The following EPN1 variants were observed in gnomAD, a reference collection of about 807,000 sequenced individuals.
EPN1 encodes epsin 1.
EPN1 carries 25 observed loss-of-function variants against 56.9 expected under a neutral mutation model. The ratio of observed to expected loss-of-function variants is 0.44; its 90% confidence interval spans 0.32 to 0.61. EPN1 has a LOEUF of 0.61. Among genes scored for constraint, EPN1 ranks in the 20% least tolerant of loss-of-function variants. EPN1 has a pLI of 0.05. For synonymous variants in EPN1, 411 were observed against 361.8 expected, an observed-to-expected ratio of 1.14 and a Z score of -1.54; for missense variants, 785 against 823.7, an observed-to-expected ratio of 0.95 and a Z score of 0.58.
chr19:55,692,811 G>A lies in EPN1; in HGVS notation c.1177+15G>A, dbSNP rs144290370. Reference sequence around the variant, plus strand: ...TGGCACAACAGGTACTGGAATGGGGGTGGGAATGGAGCCCCGGGTGGGAGT... The same window carrying A: ...TGGCACAACAGGTACTGGAATGGGGATGGGAATGGAGCCCCGGGTGGGAGT... On this transcript the variant is annotated intron_variant, in intron 8 of 10. Coordinates refer to ENST00000270460, the MANE Select transcript of EPN1 (RefSeq NM_001130072.2). The A allele has an allele frequency of 5.4e-3, 8,662 of 1,590,766 alleles. 33 individuals carry two copies. Among genetic ancestry groups the A allele is most frequent in the Non-Finnish European group, 6.7e-3 (7,821 of 1,164,748 alleles).
Position 55,689,158 on chromosome 19 carries a change from G to T in EPN1, c.604-139G>T, listed in dbSNP as rs1485369326. The T allele has an allele frequency of 8.7e-7, 1 of 1,154,088 alleles. No homozygotes were observed. The highest frequency in any genetic ancestry group is 1.2e-6 in the Non-Finnish European group (1 of 819,716). 71.5% of individuals were successfully genotyped at this position (1,154,088 alleles called of 1,614,324 possible). ...CTCATCCTCACCCCGCCGTCCCTCTGCGTGTCACTCTCTGCCTGTCCCTCA... is the reference window on the plus strand; with the variant it reads ...CTCATCCTCACCCCGCCGTCCCTCTTCGTGTCACTCTCTGCCTGTCCCTCA... On this transcript the variant is annotated intron_variant, in intron 4 of 10. Transcript: ENST00000270460. This position sits in a 1 kb window ranked among gnomAD's most constrained non-coding sequence, Gnocchi z 5.7.
chr19:55,679,764 C>G (rs911230072), intron 2 of EPN1, among the ~76,000 whole-genome samples: 1 of 152,130 alleles, frequency 6.6e-6, no homozygotes, highest in Non-Finnish European at 1.5e-5. Context: ...TCCTGTGACT[C>G]GTTTTCATAC....
In EPN1 at chr19:55,707,252, GCATCACT is replaced by G. The variant is rs1987468230; in HGVS notation, c.*11897_*11903del. Reference sequence around the variant, plus strand: ...AGCTACACAGGAGGCTGAGGCAGGAGCATCACTTGAACCCAGGAGTTCAAGGCTGCAG... The same window carrying G: ...AGCTACACAGGAGGCTGAGGCAGGAGTGAACCCAGGAGTTCAAGGCTGCAG... On this transcript the variant is annotated 3_prime_UTR_variant, in exon 11 of 11. Coordinates refer to ENST00000270460, the MANE Select transcript of EPN1 (RefSeq NM_001130072.2). 3 of 151,898 alleles carry G rather than the reference GCATCACT, an allele frequency of 2.0e-5. No individual in the cohort carries two copies. In the South Asian group the frequency reaches 6.3e-4, roughly 32 times the overall value. The allele number at this position is 151,898 out of a possible 1,614,324, so 9.4% of individuals were successfully genotyped here. A position where few individuals can be genotyped will look rare whatever the true frequency, so the allele number is the denominator to read the frequency against.
rs1319959606 is a variant in EPN1, at chr19:55,691,135, G to A, written c.763-619G>A. Among the ~76,000 whole-genome samples the A allele has an allele frequency of 6.6e-6, 1 of 152,206 alleles. No homozygotes were observed. Among genetic ancestry groups the A allele is most frequent in the Non-Finnish European group, 1.5e-5 (1 of 68,044 alleles). On this transcript the variant is annotated intron_variant, in intron 6 of 10. Transcript: ENST00000270460. The surrounding 1 kb of genome is among the most constrained non-coding windows in gnomAD (Gnocchi z 5.6). ...ACTTCCAGAACACAGGACCATGCAT[G>A]CGTGTGCGTGCGGCATGGGAAGACC...
At position 55,704,656 on chromosome 19, in the gene EPN1, A is replaced by C. The variant is rs1987308524; in HGVS notation, c.*9300A>C. 6.6e-6 allele frequency: 1 copy of C among 152,060 alleles called. No individual in the cohort carries two copies. The highest frequency in any genetic ancestry group is 1.5e-5 in the Non-Finnish European group (1 of 68,082). The allele number at this position is 152,060 out of a possible 1,614,324, so 9.4% of individuals were successfully genotyped here. On this transcript the variant is annotated 3_prime_UTR_variant, in exon 11 of 11. Transcript: ENST00000270460. ...ACACTGTCTGGGGGAAGGCACACAC[A>C]CCCCACAGCACCCTTGCTGTCTCAC...
chr19:55,677,219 G>T, intron 1 of EPN1: 4 of 1,491,504 alleles, frequency 2.7e-6, no homozygotes, highest in Non-Finnish European at 3.7e-6. Flanking sequence ...CAGGAGTAAG[G>T]TGTGTGTCCC....
intron 3 of EPN1, among the ~76,000 whole-genome samples, chr19:55,687,575 G>GCTTA (rs1250669478): frequency 6.6e-6 from 1 of 152,070 alleles, no homozygotes; most frequent in Non-Finnish European, 1.5e-5. Context: ...AGTCCCTAGA[G>GCTTA]CTTAGGAGGA....
In EPN1 at chr19:55,697,239, C is replaced by T. The variant is rs1244321159; in HGVS notation, c.*1883C>T. The stretch of plus-strand genomic sequence containing the variant: ...TCTAGGCGGTTGTGATGGGGGAGCC[C>T]CACAGGGCACAGAGAGCCAGCTGAA... On this transcript the variant is annotated 3_prime_UTR_variant, in exon 11 of 11. Transcript: ENST00000270460. 1 of 152,108 alleles carries T rather than the reference C, an allele frequency of 6.6e-6. No homozygotes were observed. Among genetic ancestry groups the T allele is most frequent in the African/African-American group, 2.4e-5 (1 of 41,404 alleles). The allele number at this position is 152,108 out of a possible 1,614,324, so 9.4% of individuals were successfully genotyped here.
chr19:55,680,219 T>G (rs1985719084), intron 2 of EPN1, among the ~76,000 whole-genome samples: 1 of 152,180 alleles, frequency 6.6e-6, no homozygotes, highest in Non-Finnish European at 1.5e-5. Context: ...CCTTTCGAGA[T>G]AGAGTTCTCT....
rs1045305307 is a variant in EPN1 at position 55,705,725 on chromosome 19, A to G, written c.*10369A>G. On this transcript the variant is annotated 3_prime_UTR_variant, in exon 11 of 11. Coordinates refer to ENST00000270460, the MANE Select transcript of EPN1 (RefSeq NM_001130072.2). ...CAAAGGTAGAGAAAATCTTGAAAGT[A>G]TCGAGAAAATGACATGTCAATCATA... is the stretch of plus-strand genomic sequence containing the variant. 6.6e-6 allele frequency: 1 copy of G among 151,544 alleles called. No homozygotes were observed. The highest frequency in any genetic ancestry group is 1.9e-4 in the East Asian group (1 of 5,146). The allele number at this position is 151,544 out of a possible 1,614,324, so 9.4% of individuals were successfully genotyped here.
At position 55,691,540 on chromosome 19, in the gene EPN1, T is replaced by TGG. The variant is rs1986546178; in HGVS notation, c.763-211_763-210dup. Among the ~76,000 whole-genome samples, 1 of 130,760 alleles carries TGG rather than the reference T, an allele frequency of 7.6e-6. No individual in the cohort carries two copies. Among genetic ancestry groups the TGG allele is most frequent in the Non-Finnish European group, 1.6e-5 (1 of 61,518 alleles). The allele number at this position is 130,760 out of a possible 152,430, so 85.8% of individuals were successfully genotyped here. On this transcript the variant is annotated intron_variant, in intron 6 of 10. Coordinates refer to ENST00000270460, the MANE Select transcript of EPN1 (RefSeq NM_001130072.2). The surrounding 1 kb of genome is among the most constrained non-coding windows in gnomAD (Gnocchi z 5.6). Reference sequence around the variant, plus strand: ...GGGGCTCCCTGGTGGTACCCTCGGGTGGGGTAGGTGGGCAGGGGTGGGCCG... The same window carrying TGG: ...GGGGCTCCCTGGTGGTACCCTCGGGTGGGGGGTAGGTGGGCAGGGGTGGGCCG...
rs939143149 is a variant in EPN1 at position 55,703,596 on chromosome 19, T to C, written c.*8240T>C. The C allele has an allele frequency of 1.3e-5, 2 of 152,244 alleles. No individual in the cohort carries two copies. The highest frequency in any genetic ancestry group is 1.5e-5 in the Non-Finnish European group (1 of 68,072). The allele number at this position is 152,244 out of a possible 1,614,324, so 9.4% of individuals were successfully genotyped here. On this transcript the variant is annotated 3_prime_UTR_variant, in exon 11 of 11. Coordinates refer to ENST00000270460, the MANE Select transcript of EPN1 (RefSeq NM_001130072.2). ...GCCTCGGCCCCCCAAAGTACTGGGA[T>C]TACAGGCGTGAGCCACTGGGCGCAG...
rs376380755 is a variant in EPN1 at position 55,689,627 on chromosome 19, C to G, written c.679-240C>G. ...CTCCCCCCAACGCAGGAGATACCAC[C>G]GAGGCGGGTGCCCGTCCTCCCCGGG... is the stretch of plus-strand genomic sequence containing the variant. On this transcript the variant is annotated intron_variant, in intron 5 of 10. Transcript: ENST00000270460. This position sits in a 1 kb window ranked among gnomAD's most constrained non-coding sequence, Gnocchi z 5.7. Among the ~76,000 whole-genome samples the G allele has an allele frequency of 5.9e-5, 9 of 152,324 alleles. No individual in the cohort carries two copies. In the East Asian group the frequency reaches 1.2e-3, roughly 20 times the overall value.
Position 55,701,826 on chromosome 19 carries a change from T to C in EPN1, c.*6470T>C, listed in dbSNP as rs1398445824. 1 of 152,120 alleles carries C rather than the reference T, an allele frequency of 6.6e-6. No homozygotes were observed. The highest frequency in any genetic ancestry group is 1.5e-5 in the Non-Finnish European group (1 of 68,018). 9.4% of individuals were successfully genotyped at this position (152,120 alleles called of 1,614,324 possible). A position where few individuals can be genotyped will look rare whatever the true frequency, so the allele number is the denominator to read the frequency against. ...GGGTCCCGAACGGGTTGTGAAGTTG[T>C]AGAAGAAATGTCAGGGGTTTTATAG... On this transcript the variant is annotated 3_prime_UTR_variant, in exon 11 of 11. Coordinates refer to ENST00000270460, the MANE Select transcript of EPN1 (RefSeq NM_001130072.2).
rs1986798620 is a variant in EPN1, at chr19:55,694,659, T to G, written c.1265-67T>G. ...TTGAAGCGCCCCCTATGATGGCCTATACTGCTCCCGGGTTGGAGCCTCACT... is the reference window on the plus strand; with the variant it reads ...TTGAAGCGCCCCCTATGATGGCCTAGACTGCTCCCGGGTTGGAGCCTCACT... On this transcript the variant is annotated intron_variant, in intron 9 of 10. Coordinates refer to ENST00000270460, the MANE Select transcript of EPN1 (RefSeq NM_001130072.2). This position sits in a 1 kb window ranked among gnomAD's most constrained non-coding sequence, Gnocchi z 4.2. The G allele has an allele frequency of 6.7e-7, 1 of 1,502,842 alleles. No individual in the cohort carries two copies. Among genetic ancestry groups the G allele is most frequent in the Non-Finnish European group, 8.9e-7 (1 of 1,129,466 alleles). The allele number at this position is 1,502,842 out of a possible 1,614,324, so 93.1% of individuals were successfully genotyped here.
rs755581945 is a variant in EPN1, at chr19:55,709,056, GAAATA to G, written c.*13703_*13707del. The G allele has an allele frequency of 2.1e-4, 321 of 1,549,614 alleles. No individual in the cohort carries two copies. The highest frequency in any genetic ancestry group is 2.6e-4 in the Non-Finnish European group (301 of 1,157,984). On this transcript the variant is annotated 3_prime_UTR_variant, in exon 11 of 11. Transcript: ENST00000270460. Reference sequence around the variant, plus strand: ...CAGATTTGTGCAGCCTGGGAAAATAGAAATAAAGTTTTTTTTTTTGTTTTTCATTT... The same window carrying G: ...CAGATTTGTGCAGCCTGGGAAAATAGAAGTTTTTTTTTTTGTTTTTCATTT...
Position 55,701,690 on chromosome 19 carries a change from T to C in EPN1, c.*6334T>C, listed in dbSNP as rs1196389566. 5 of 152,146 alleles carry C rather than the reference T, an allele frequency of 3.3e-5. No homozygotes were observed. The highest frequency in any genetic ancestry group is 3.3e-4 in the Admixed American group (5 of 15,264). The allele number at this position is 152,146 out of a possible 1,614,324, so 9.4% of individuals were successfully genotyped here. ...AAACGGTCTTGTCTGTGGTAAATAC[T>C]AAGGTTTTTGGTCTCACAGCCGAGG... On this transcript the variant is annotated 3_prime_UTR_variant, in exon 11 of 11. Coordinates refer to ENST00000270460, the MANE Select transcript of EPN1 (RefSeq NM_001130072.2).
Position 55,708,961 on chromosome 19 carries a change from T to C in EPN1, c.*13605T>C, listed in dbSNP as rs1281392636. The C allele has an allele frequency of 6.3e-6, 10 of 1,589,376 alleles. No individual in the cohort carries two copies. The East Asian group carries it at 2.3e-4, about 37-fold the overall frequency. ...GTATTCCTCGTCAATCCAAGGTCCA[T>C]GTGAAATGGTCAGATGGGGAATTTT... is the stretch of plus-strand genomic sequence containing the variant. On this transcript the variant is annotated 3_prime_UTR_variant, in exon 11 of 11. Coordinates refer to ENST00000270460, the MANE Select transcript of EPN1 (RefSeq NM_001130072.2).
chr19:55,678,336 T>C (rs1376531865), intron 1 of EPN1, among the ~76,000 whole-genome samples, 191 bp from the exon 2 acceptor site: 1 of 152,198 alleles, frequency 6.6e-6, no homozygotes, highest in East Asian at 1.9e-4. Context: ...TCTGCCTCAC[T>C]GAGCAGGGGC....
Sources: gnomAD v4.1 joint callset for allele counts (sites outside exome capture counted in the v4.1 genomes callset) on GRCh38, gnomAD v4.1.1 for gene constraint, Gnocchi (gnomAD v3.1) non-coding constraint, MANE v1.5 for transcripts, NCBI Gene and HGNC (gene_info 2026-07-23, HGNC 2026-07-21) for gene names.